ZBTB46: variants seen among roughly 807,000 people sequenced by gnomAD.
ZBTB46 encodes zinc finger and BTB domain containing 46.
A neutral mutation model predicts 44.1 loss-of-function variants in ZBTB46; 8 were observed. That is an observed-to-expected ratio of 0.18 (90% CI 0.11 to 0.33). The LOEUF (loss-of-function observed/expected upper bound fraction) is 0.33, where lower values mean the gene tolerates loss of function less well. Among genes scored for constraint, ZBTB46 ranks in the 10% least tolerant of loss-of-function variants. ZBTB46 has a pLI of 1.00. For missense variants in ZBTB46, 651 were observed against 847.7 expected (o/e 0.77, Z 2.88); for synonymous variants, 409 against 382.3 (o/e 1.07, Z -0.81).
Position 63,790,394 on chromosome 20 carries a change from G to T in ZBTB46, c.364C>A (p.His122Asn). 1 of 1,613,070 alleles carries T rather than the reference G, an allele frequency of 6.2e-7. No individual in the cohort carries two copies. Residue 122 changes from histidine to asparagine, a missense_variant, in exon 2 of 5, where the codon CAC becomes AAC. Physicochemically the swap from His to Asn is moderately conservative, Grantham distance 68. Transcript: ENST00000245663. ...LQMTDIVQAC[H>N]DFIKAALDIS... The stretch of plus-strand genomic sequence containing the variant: ...TCCAGCGCCGCCTTGATGAAGTCGT[G>T]GCAGGCTTGCACGATGTCCGTCATC...
At chr20:63,826,767 C>T (rs942310355) in intron 1 of ZBTB46, among the ~76,000 whole-genome samples, 7 of 152,122 alleles carry the variant, frequency 4.6e-5, no homozygotes, top group East Asian at 1.9e-4. Context: ...AAAAAGACAG[C>T]GAGTGTCCTT....
chr20:63,780,393 C>A (rs777427443), intron 2 of ZBTB46, among the ~76,000 whole-genome samples: 2 of 152,124 alleles, frequency 1.3e-5, no homozygotes, highest in Non-Finnish European at 2.9e-5. Context: ...ACCTTATAAT[C>A]CTATGTAAAA....
chr20:63,796,278 G>T (rs942047831), intron 1 of ZBTB46, among the ~76,000 whole-genome samples: 16 of 152,244 alleles, frequency 1.1e-4, no homozygotes, highest in Non-Finnish European at 1.5e-5. Flanking sequence ...CCCGATCCGC[G>T]TAGGGCACAA....
At chr20:63,755,148 G>A (rs1338084792) in intron 3 of ZBTB46, among the ~76,000 whole-genome samples, 3 of 152,192 alleles carry the variant, frequency 2.0e-5, no homozygotes, top group Admixed American at 6.5e-5. Context: ...CCGCAGCTGC[G>A]GACGGTCCCC....
chr20:63,772,534 C>T (rs928081101), intron 3 of ZBTB46, among the ~76,000 whole-genome samples: 1 of 151,868 alleles, frequency 6.6e-6, no homozygotes, highest in Non-Finnish European at 1.5e-5. Context: ...GCCTGGCCAA[C>T]ATGGTGAAAC....
rs1241842628 is a variant in ZBTB46, at chr20:63,767,141, G to A, written c.1222+8537C>T. 6.6e-6 allele frequency among the ~76,000 whole-genome samples: 1 copy of A among 152,210 alleles called. No individual in the cohort carries two copies. Among genetic ancestry groups the A allele is most frequent in the Non-Finnish European group, 1.5e-5 (1 of 68,022 alleles). ...CCGTAATTCCACGCCGACACGTGGA[G>A]CGCCGCGCACATGCCAGGCACACAC... On this transcript the variant is annotated intron_variant, in intron 3 of 4. Transcript: ENST00000245663. This position sits in a 1 kb window ranked among gnomAD's most constrained non-coding sequence, Gnocchi z 5.0.
At chr20:63,748,973 T>TA (rs1328273438) in intron 4 of ZBTB46, among the ~76,000 whole-genome samples, 1 of 152,224 alleles carries the variant, frequency 6.6e-6, no homozygotes, top group East Asian at 1.9e-4. Flanking sequence ...CCCGGGCCCT[T>TA]ACGTACTTCC....
In ZBTB46 at chr20:63,767,024, G is replaced by A. The variant is rs991225354; in HGVS notation, c.1222+8654C>T. On this transcript the variant is annotated intron_variant, in intron 3 of 4. Coordinates refer to ENST00000245663, the MANE Select transcript of ZBTB46 (RefSeq NM_001369741.1). The surrounding 1 kb of genome is among the most constrained non-coding windows in gnomAD (Gnocchi z 5.0). ...GAGCCCACCAAGTCCACAACCACCT[G>A]CTCTGAATAGAAAGCTGACATTGAA... Among the ~76,000 whole-genome samples, 18 of 152,220 alleles carry A rather than the reference G, an allele frequency of 1.2e-4. No individual in the cohort carries two copies. The highest frequency in any genetic ancestry group is 2.9e-5 in the Non-Finnish European group (2 of 68,032).
chr20:63,824,626 C>G (rs986239067), intron 1 of ZBTB46, among the ~76,000 whole-genome samples: 1 of 151,464 alleles, frequency 6.6e-6, no homozygotes, highest in Non-Finnish European at 1.5e-5. Flanking sequence ...CCTTCCCCCA[C>G]CCCCGTTCTT....
intron 1 of ZBTB46, among the ~76,000 whole-genome samples, chr20:63,810,682 G>A (rs1447220879): frequency 6.6e-6 from 1 of 152,152 alleles, no homozygotes; most frequent in Non-Finnish European, 1.5e-5. Context: ...GGAGGCAGAG[G>A]TTACAGTGAG....
intron 1 of ZBTB46, among the ~76,000 whole-genome samples, chr20:63,816,033 ACAGGTGCG>A (rs2092753757): frequency 7.3e-6 from 1 of 136,626 alleles, no homozygotes. Context: ...GCAGGTGGGC[ACAGGTGCG>A]GTGGGTGCAG....
At chr20:63,821,041 C>T (rs1300727535) in intron 1 of ZBTB46, among the ~76,000 whole-genome samples, 3 of 151,616 alleles carry the variant, frequency 2.0e-5, no homozygotes, top group South Asian at 2.1e-4. Context: ...TACAGGCATG[C>T]GCCATCACGC....
rs770335741 is a variant in ZBTB46, at chr20:63,790,259, T to A, written c.499A>T (p.Ile167Phe). The part of the protein sequence containing the change: ...LISAVMAGRS[I>F]SPWLARRTSP... ...GTTCGCCGTGCCAGCCACGGGGAGATGCTCCTCCCAGCCATCACGGCCGAG... is the reference window on the plus strand; with the variant it reads ...GTTCGCCGTGCCAGCCACGGGGAGAAGCTCCTCCCAGCCATCACGGCCGAG... The change falls in exon 2 of 5, where the codon ATC becomes TTC. Residue 167 changes from isoleucine (I) to phenylalanine (F), a missense_variant. Physicochemically the swap from Ile to Phe is conservative, Grantham distance 21. Around this residue, in one of 5 missense-constraint regions of ZBTB46, gnomAD observed 385 missense variants for 423.3 expected, o/e 0.91. Coordinates refer to ENST00000245663, the MANE Select transcript of ZBTB46 (RefSeq NM_001369741.1). The A allele has an allele frequency of 1.9e-6, 3 of 1,612,072 alleles. No individual in the cohort carries two copies. The Admixed American group carries it at 5.0e-5, about 27-fold the overall frequency.
At chr20:63,805,750 T>A in intron 1 of ZBTB46, among the ~76,000 whole-genome samples, 1 of 97,178 alleles carries the variant, frequency 1.0e-5, no homozygotes, top group South Asian at 3.2e-4. Flanking sequence ...ATGCATCAGC[T>A]TTTTTTTTTT....
intron 1 of ZBTB46, among the ~76,000 whole-genome samples, chr20:63,813,273 A>C (rs1464329248): frequency 6.6e-6 from 1 of 151,530 alleles, no homozygotes; most frequent in East Asian, 1.9e-4. Flanking sequence ...ACATGGTGAA[A>C]CCTCGTCTCT....
intron 1 of ZBTB46, among the ~76,000 whole-genome samples, chr20:63,807,837 T>C (rs1385520538): frequency 6.6e-6 from 1 of 152,232 alleles, no homozygotes; most frequent in African/African-American, 2.4e-5. Flanking sequence ...CGGGTCTCAC[T>C]CCCAGAGCGG....
chr20:63,828,778 G>C (rs2092833039), intron 1 of ZBTB46, among the ~76,000 whole-genome samples: 1 of 152,242 alleles, frequency 6.6e-6, no homozygotes, highest in Non-Finnish European at 1.5e-5. Flanking sequence ...CTGGGCACCA[G>C]TCACGGCAGT....
intron 4 of ZBTB46, among the ~76,000 whole-genome samples, chr20:63,751,651 C>G (rs1231087752): frequency 6.7e-6 from 1 of 149,128 alleles, no homozygotes; most frequent in Non-Finnish European, 1.5e-5. Context: ...GCCCCGCCCC[C>G]CGGTGGGTCT....
chr20:63,816,784 C>T (rs1317762060), intron 1 of ZBTB46, among the ~76,000 whole-genome samples: 9 of 152,218 alleles, frequency 5.9e-5, no homozygotes, highest in Non-Finnish European at 2.9e-5. Flanking sequence ...GGCCCTCACC[C>T]AATAGGACCA....
Sources: gnomAD v4.1 joint callset for allele counts (sites outside exome capture counted in the v4.1 genomes callset) on GRCh38, gnomAD v4.1.1 for gene constraint, gnomAD v4.1.1 regional missense constraint, Gnocchi (gnomAD v3.1) non-coding constraint, MANE v1.5 for transcripts, NCBI Gene and HGNC (gene_info 2026-07-23, HGNC 2026-07-21) for gene names.